LTBP1: variants seen among roughly 807,000 people sequenced by gnomAD.
LTBP1 encodes the protein latent-transforming growth factor beta-binding protein 1.
Under a neutral mutation model 207.6 loss-of-function variants are expected in LTBP1, and 129 were observed. That is an observed-to-expected ratio of 0.62 (90% CI 0.54 to 0.72). The LOEUF (loss-of-function observed/expected upper bound fraction) is 0.72, where lower values mean the gene tolerates loss of function less well. Ranked by LOEUF, LTBP1 falls within the 30% of genes least tolerant of loss-of-function variation. LTBP1 has a pLI of 0.00. For synonymous variants in LTBP1, 963 were observed against 833.7 expected (o/e 1.16, Z -2.67); for missense variants, 2,281 against 2,217.2 (o/e 1.03, Z -0.58).
intron 2 of LTBP1, among the ~76,000 whole-genome samples, chr2:32,991,822 C>A (rs946130666): frequency 6.6e-6 from 1 of 152,196 alleles, no homozygotes; most frequent in African/African-American, 2.4e-5. Context: ...GCACTTGAAT[C>A]TTTGTAGGGA....
chr2:33,232,430 A>G (rs2091841782), intron 9 of LTBP1, among the ~76,000 whole-genome samples: 1 of 152,266 alleles, frequency 6.6e-6, no homozygotes, highest in East Asian at 1.9e-4. Context: ...AAGAAAATGG[A>G]TTTGTGGCTT....
intron 24 of LTBP1, among the ~76,000 whole-genome samples, chr2:33,331,264 C>G (rs1040510763): frequency 6.6e-6 from 1 of 151,090 alleles, no homozygotes; most frequent in African/African-American, 2.4e-5. Flanking sequence ...TATATTTACA[C>G]TTTGGGGTTT....
chr2:33,351,953 A>T (rs899691215), intron 26 of LTBP1, among the ~76,000 whole-genome samples: 7 of 152,128 alleles, frequency 4.6e-5, no homozygotes, highest in Admixed American at 2.0e-4. Context: ...ACCATTACTT[A>T]TATGACATTG....
chr2:32,989,840 TG>T (rs1558481090), intron 2 of LTBP1, among the ~76,000 whole-genome samples: 1 of 152,198 alleles, frequency 6.6e-6, no homozygotes, highest in Non-Finnish European at 1.5e-5. Flanking sequence ...CATTGGTAAA[TG>T]GGGGTAATAT....
chr2:33,315,046 C>T, intron 23 of LTBP1, 98 bp from the exon 24 acceptor site: 1 of 951,010 alleles, frequency 1.1e-6, no homozygotes, highest in Non-Finnish European at 1.5e-6. Context: ...AATAAATGTC[C>T]AGCCATGTCA....
At chr2:33,045,422 T>G (rs192855114) in intron 3 of LTBP1, among the ~76,000 whole-genome samples, 1 of 152,346 alleles carries the variant, frequency 6.6e-6, no homozygotes, top group African/African-American at 2.4e-5. Flanking sequence ...CAGATGGTTG[T>G]AGATATGTGG....
intron 3 of LTBP1, chr2:33,056,489 G>C: frequency 1.0e-5 from 8 of 770,124 alleles, no homozygotes; most frequent in South Asian, 2.3e-5. Context: ...GAGGGATGAT[G>C]CGCGTCTTCT....
chr2:33,026,056 A>G (rs1053880660), intron 3 of LTBP1, among the ~76,000 whole-genome samples: 14 of 151,990 alleles, frequency 9.2e-5, no homozygotes, highest in Non-Finnish European at 1.3e-4. Flanking sequence ...GTAGTAAAGG[A>G]AAAAAAATCC....
At chr2:33,172,594 G>C (rs887688167) in intron 5 of LTBP1, among the ~76,000 whole-genome samples, 6 of 152,012 alleles carry the variant, frequency 3.9e-5, no homozygotes, top group African/African-American at 1.5e-4. Context: ...AGACAGATCA[G>C]CGAGACAGAA....
rs2081978868 is a variant in LTBP1 at position 33,134,070 on chromosome 2, T to G, written c.1034-723T>G. ...AGAGACAGTGAGAGCCCAAGGGTGT[T>G]ATTTTTAGGGAGGCAACCATTTATC... is the stretch of plus-strand genomic sequence containing the variant. On this transcript the variant is annotated intron_variant, in intron 4 of 33. Coordinates refer to ENST00000404816, the MANE Select transcript of LTBP1 (RefSeq NM_206943.4). This position sits in a 1 kb window ranked among gnomAD's most constrained non-coding sequence, Gnocchi z 4.4. Among the ~76,000 whole-genome samples, 1 of 152,164 alleles carries G rather than the reference T, an allele frequency of 6.6e-6. No individual in the cohort carries two copies. The highest frequency in any genetic ancestry group is 2.4e-5 in the African/African-American group (1 of 41,438).
rs753699171 is a variant in LTBP1 at position 33,275,791 on chromosome 2, C to G, written c.2870-10C>G. The stretch of plus-strand genomic sequence containing the variant: ...ACACAAAACTCAACAATGCTATCTG[C>G]TCTTCGTAGATGTTGACGAATGCCT... On this transcript the variant is annotated splice_polypyrimidine_tract_variant and intron_variant, in intron 17 of 33. Coordinates refer to ENST00000404816, the MANE Select transcript of LTBP1 (RefSeq NM_206943.4). 3 of 1,612,434 alleles carry G rather than the reference C, an allele frequency of 1.9e-6. No individual in the cohort carries two copies. The highest frequency in any genetic ancestry group is 3.3e-5 in the Admixed American group (2 of 59,962).
chr2:33,293,779 G>A (rs1221194351), intron 20 of LTBP1, among the ~76,000 whole-genome samples: 1 of 151,998 alleles, frequency 6.6e-6, no homozygotes. Context: ...ATATAAAGAT[G>A]TTCTATGTAT....
At chr2:32,956,336 C>A (rs928987785) in intron 2 of LTBP1, among the ~76,000 whole-genome samples, 1 of 152,162 alleles carries the variant, frequency 6.6e-6, no homozygotes, top group Non-Finnish European at 1.5e-5. Context: ...TCTTCTCAAA[C>A]GCTACTGCTG....
At chr2:33,090,414 A>G (rs1412389715) in intron 3 of LTBP1, among the ~76,000 whole-genome samples, 1 of 152,118 alleles carries the variant, frequency 6.6e-6, no homozygotes, top group Non-Finnish European at 1.5e-5. Flanking sequence ...CGCGCTTGTG[A>G]CATTGCTCTT....
chr2:33,353,859 CCTTT>C (rs2094817406), intron 26 of LTBP1, among the ~76,000 whole-genome samples: 1 of 113,138 alleles, frequency 8.8e-6, no homozygotes, highest in Non-Finnish European at 2.0e-5. Flanking sequence ...TGCATGTACG[CCTTT>C]TTTTTTTTTT....
chr2:33,142,377 A>C (rs2082701363), intron 5 of LTBP1, among the ~76,000 whole-genome samples: 1 of 152,058 alleles, frequency 6.6e-6, no homozygotes, highest in Non-Finnish European at 1.5e-5. Context: ...GCATTCTTTT[A>C]TGGAGGGCAG....
intron 9 of LTBP1, among the ~76,000 whole-genome samples, chr2:33,230,677 C>A (rs2091734339): frequency 6.6e-6 from 1 of 152,078 alleles, no homozygotes; most frequent in South Asian, 2.1e-4. Context: ...TACTGAGTAC[C>A]CTCTTTTGTC....
chr2:33,299,219 C>T (rs141730950), intron 20 of LTBP1, among the ~76,000 whole-genome samples: 4,129 of 146,090 alleles, frequency 0.028, 73 homozygotes, highest in Middle Eastern at 0.047. Context: ...TCCAGCTTGG[C>T]GACAGAGCGA....
At position 33,315,262 on chromosome 2, in the gene LTBP1, G is replaced by C. The variant is rs367863981; in HGVS notation, c.3723G>C (p.Thr1241=). ...TCTCAATCTCTGCAGATGGCCGTAC[G>C]TGTGAAGGTAAGATAAACCATACGA... ...QGFSISADGR[T]CEDIDECVNN... The change falls in exon 24 of 34, where the codon ACG becomes ACC. Residue 1241 remains threonine (T), a synonymous_variant. Coordinates refer to ENST00000404816, the MANE Select transcript of LTBP1 (RefSeq NM_206943.4). 7 of 1,611,862 alleles carry C rather than the reference G, an allele frequency of 4.3e-6. No homozygotes were observed. Among genetic ancestry groups the C allele is most frequent in the Non-Finnish European group, 5.9e-6 (7 of 1,179,586 alleles).
Sources: gnomAD v4.1 joint callset for allele counts (sites outside exome capture counted in the v4.1 genomes callset) on GRCh38, gnomAD v4.1.1 for gene constraint, Gnocchi (gnomAD v3.1) non-coding constraint, MANE v1.5 for transcripts, NCBI Gene and HGNC (gene_info 2026-07-23, HGNC 2026-07-21) for gene names.